TNFRSF1B: variants seen among roughly 807,000 people sequenced by gnomAD.
TNFRSF1B encodes TNF receptor superfamily member 1B, also known as tumor necrosis factor receptor superfamily member 1B.
Under a neutral mutation model 44.6 loss-of-function variants are expected in TNFRSF1B, and 19 were observed. That is an observed-to-expected ratio of 0.43 (90% CI 0.30 to 0.62). The LOEUF (loss-of-function observed/expected upper bound fraction) is 0.62, where lower values mean the gene tolerates loss of function less well. Among genes scored for constraint, TNFRSF1B ranks in the 20% least tolerant of loss-of-function variants. TNFRSF1B has a pLI of 0.16. For missense variants in TNFRSF1B, 541 were observed against 619.9 expected, an observed-to-expected ratio of 0.87 and a Z score of 1.35; for synonymous variants, 252 against 261.1, an observed-to-expected ratio of 0.97 and a Z score of 0.34.
Position 12,183,749 on chromosome 1 carries a change from CTAGCTAGCTAGCTAG to C in TNFRSF1B, c.79-5046_79-5032del, listed in dbSNP as rs1557629258. On this transcript the variant is annotated intron_variant, in intron 1 of 9. Transcript: ENST00000376259. Reference sequence around the variant, plus strand: ...TCTATCTATCTATCTATCTATCTATCTAGCTAGCTAGCTAGCTAGCTATCTATTCTATCTACCTAC... The same window carrying C: ...TCTATCTATCTATCTATCTATCTATCCTAGCTATCTATTCTATCTACCTAC... Among the ~76,000 whole-genome samples the C allele has an allele frequency of 6.5e-3, 502 of 77,458 alleles. 8 individuals carry two copies. The highest frequency in any genetic ancestry group is 0.01 in the Non-Finnish European group (302 of 29,050). The allele number at this position is 77,458 out of a possible 152,430, so 50.8% of individuals were successfully genotyped here.
intron 1 of TNFRSF1B, 60 bp downstream of exon 1, chr1:12,167,229 GCAGCCTTCGGGTGCC>G (rs1223434970): frequency 1.7e-6 from 2 of 1,191,090 alleles, no homozygotes; most frequent in Admixed American, 4.3e-5. Flanking sequence ...CGGCTGGTGC[GCAGCCTTCGGGTGCC>G]CGGGCCGCGC....
intron 8 of TNFRSF1B, among the ~76,000 whole-genome samples, chr1:12,200,039 G>C (rs568209981): frequency 1.3e-5 from 2 of 152,292 alleles, no homozygotes; most frequent in African/African-American, 4.8e-5. Context: ...CTTGCCTTGA[G>C]CCTCCAGAGT....
At chr1:12,194,223 A>G (rs1639215718) in intron 7 of TNFRSF1B, among the ~76,000 whole-genome samples, 191 bp downstream of exon 7, 1 of 152,114 alleles carries the variant, frequency 6.6e-6, no homozygotes, top group Non-Finnish European at 1.5e-5. Flanking sequence ...GCAAGAGGTG[A>G]TCAGGGTTTT....
At chr1:12,188,694 C>A in intron 1 of TNFRSF1B, 102 bp from the exon 2 acceptor site, 2 of 1,076,718 alleles carry the variant, frequency 1.9e-6, no homozygotes, top group South Asian at 1.4e-5. Context: ...TGCAGACTGG[C>A]AGGGGGAGGG....
intron 9 of TNFRSF1B, among the ~76,000 whole-genome samples, chr1:12,205,544 T>C (rs1429928720): frequency 6.6e-6 from 1 of 152,126 alleles, no homozygotes; most frequent in African/African-American, 2.4e-5. Flanking sequence ...TTCACACCCA[T>C]CCAGATGGGA....
intron 1 of TNFRSF1B, among the ~76,000 whole-genome samples, chr1:12,182,058 G>A (rs1638824492): frequency 1.3e-5 from 2 of 152,226 alleles, no homozygotes; most frequent in Admixed American, 6.5e-5. Flanking sequence ...GGACACAGAG[G>A]ATCTTTGGGG....
chr1:12,175,667 C>G (rs17881148), intron 1 of TNFRSF1B, among the ~76,000 whole-genome samples: 3,553 of 152,292 alleles, frequency 0.023, 47 homozygotes, highest in Non-Finnish European at 0.036. Context: ...TGGCCCCCAG[C>G]TCCCTCAAGC....
chr1:12,188,665 C>A (rs1172522339), intron 1 of TNFRSF1B, 131 bp from the exon 2 acceptor site: 6 of 813,048 alleles, frequency 7.4e-6, no homozygotes, highest in Non-Finnish European at 1.2e-5. Flanking sequence ...GGGGGAGAAA[C>A]CTCCCCAGCC....
chr1:12,191,528 G>A (rs1455635643), intron 3 of TNFRSF1B, among the ~76,000 whole-genome samples: 1 of 151,132 alleles, frequency 6.6e-6, no homozygotes, highest in Non-Finnish European at 1.5e-5. Context: ...CGGGGGACGA[G>A]CGCGACTGCG....
intron 1 of TNFRSF1B, among the ~76,000 whole-genome samples, chr1:12,188,351 G>A (rs1639032676): frequency 6.6e-6 from 1 of 152,160 alleles, no homozygotes; most frequent in South Asian, 2.1e-4. Flanking sequence ...GGGTAGTCAG[G>A]GAGGGCTTCC....
intron 9 of TNFRSF1B, among the ~76,000 whole-genome samples, chr1:12,205,137 A>T (rs1199698705): frequency 2.0e-5 from 3 of 152,154 alleles, no homozygotes; most frequent in Non-Finnish European, 4.4e-5. Context: ...AGTGGTGGAT[A>T]GGATGGGAAG....
At chr1:12,174,745 T>C (rs1382659272) in intron 1 of TNFRSF1B, among the ~76,000 whole-genome samples, 1 of 152,158 alleles carries the variant, frequency 6.6e-6, no homozygotes, top group Non-Finnish European at 1.5e-5. Flanking sequence ...TACCCCCTCT[T>C]TTGGACACTA....
intron 6 of TNFRSF1B, 97 bp from the exon 7 acceptor site, chr1:12,193,858 T>C: frequency 3.4e-6 from 3 of 878,150 alleles, no homozygotes; most frequent in South Asian, 1.4e-5. Context: ...TCATTTGCAA[T>C]GACCCGAAGC....
intron 1 of TNFRSF1B, among the ~76,000 whole-genome samples, chr1:12,176,147 A>C (rs1638650586): frequency 6.6e-6 from 1 of 152,134 alleles, no homozygotes; most frequent in African/African-American, 2.4e-5. Context: ...TGAACCCCAG[A>C]GGCGGAGGTT....
At chr1:12,188,698 G>A in intron 1 of TNFRSF1B, 98 bp from the exon 2 acceptor site, 1 of 1,128,598 alleles carries the variant, frequency 8.9e-7, no homozygotes, top group East Asian at 2.4e-5. Context: ...GACTGGCAGG[G>A]GGAGGGCCAA....
chr1:12,193,202 G>T (rs1308829879), intron 6 of TNFRSF1B, 104 bp downstream of exon 6: 5 of 1,051,996 alleles, frequency 4.8e-6, no homozygotes, highest in Admixed American at 2.0e-5. Flanking sequence ...CGGGGGGCTG[G>T]ACCCTGTGCC....
intron 3 of TNFRSF1B, 81 bp downstream of exon 3, chr1:12,191,166 A>G: frequency 6.4e-7 from 1 of 1,552,158 alleles, no homozygotes; most frequent in Non-Finnish European, 8.7e-7. Context: ...TTTGGCTTCC[A>G]GCTGTCTGGA....
chr1:12,206,888 C>T lies in TNFRSF1B; in HGVS notation c.1254C>T (p.Asp418=), dbSNP rs150855008. The change falls in exon 10 of 10, where the codon GAC becomes GAT. Residue 418 remains aspartate (D), a synonymous_variant. Coordinates refer to ENST00000376259, the MANE Select transcript of TNFRSF1B (RefSeq NM_001066.3). The part of the protein sequence containing the change: ...TDSSPSESPK[D]EQVPFSKEEC... ...CCAGCCCCTCGGAGTCCCCGAAGGA[C>T]GAGCAGGTCCCCTTCTCCAAGGAGG... The T allele has an allele frequency of 4.0e-4, 640 of 1,614,218 alleles. 2 individuals carry two copies. The highest frequency in any genetic ancestry group is 4.8e-4 in the Non-Finnish European group (570 of 1,180,034).
At chr1:12,174,232 C>T (rs1469149476) in intron 1 of TNFRSF1B, among the ~76,000 whole-genome samples, 2 of 140,934 alleles carry the variant, frequency 1.4e-5, no homozygotes, top group African/African-American at 5.9e-5. Context: ...TTCTCCTTCT[C>T]CTTCTCCTTC....
Sources: allele counts gnomAD v4.1 joint callset (sites outside exome capture counted in the v4.1 genomes callset), GRCh38; gene constraint gnomAD v4.1.1; transcripts MANE v1.5; gene names NCBI Gene and HGNC (gene_info 2026-07-23, HGNC 2026-07-21).